The following CALN1 variants were observed in gnomAD, a reference collection of about 807,000 sequenced individuals.
The protein encoded by CALN1 is calneuron 1, also known as calcium-binding protein 8.
CALN1 carries 17 observed loss-of-function variants against 30.6 expected under a neutral mutation model. The ratio of observed to expected loss-of-function variants is 0.56; its 90% CI spans 0.38 to 0.83. The LOEUF (loss-of-function observed/expected upper bound fraction) is 0.83, where lower values mean the gene tolerates loss of function less well. Among genes scored for constraint, CALN1 ranks in the 40% least tolerant of loss-of-function variants. CALN1 has a pLI of 0.00. For missense variants in CALN1, 291 were observed against 354.9 expected, an observed-to-expected ratio of 0.82 and a Z score of 1.45; for synonymous variants, 156 against 131.4, an observed-to-expected ratio of 1.19 and a Z score of -1.28.
chr7:71,998,546 C>T (rs537372675), intron 5 of CALN1, among the ~76,000 whole-genome samples: 3 of 151,646 alleles, frequency 2.0e-5, no homozygotes, highest in South Asian at 4.2e-4. Flanking sequence ...ACAGAGCAAC[C>T]ACTACAAAAA....
At chr7:72,119,426 G>A (rs77849983) in intron 3 of CALN1, among the ~76,000 whole-genome samples, 1,654 of 151,952 alleles carry the variant, frequency 0.011, 16 homozygotes, top group Admixed American at 0.015. Context: ...ACCTCCCACC[G>A]GGTCCCTCCC....
rs369707890 is a variant in CALN1, at chr7:72,064,829, C to T, written c.389-41060G>A. On this transcript the variant is annotated intron_variant, in intron 4 of 6. Transcript: ENST00000395275. ...GGCATTTCAGATAAGGGACACTCAA[C>T]TTGCATAGCTTTTATGGATGTATTG... Among the ~76,000 whole-genome samples, 135 of 151,990 alleles carry T rather than the reference C, an allele frequency of 8.9e-4. 2 individuals carry two copies. Among genetic ancestry groups the T allele is most frequent in the Admixed American group, 3.1e-3 (48 of 15,270 alleles).
intron 3 of CALN1, among the ~76,000 whole-genome samples, chr7:72,253,529 C>T (rs896251727): frequency 6.6e-6 from 1 of 152,206 alleles, no homozygotes; most frequent in African/African-American, 2.4e-5. Context: ...GGGAAACAAG[C>T]ACATCTTACC....
At chr7:72,097,966 G>A (rs547387264) in intron 4 of CALN1, among the ~76,000 whole-genome samples, 19 of 152,232 alleles carry the variant, frequency 1.2e-4, no homozygotes, top group East Asian at 1.9e-4. Context: ...CACCCGCCTC[G>A]GCCTCACAAA....
At chr7:71,813,267 A>G (rs968937031) in intron 5 of CALN1, among the ~76,000 whole-genome samples, 1 of 151,866 alleles carries the variant, frequency 6.6e-6, no homozygotes, top group Non-Finnish European at 1.5e-5. Context: ...CTGGTTTCGA[A>G]CTCCTGGCCT....
intron 2 of CALN1, among the ~76,000 whole-genome samples, chr7:72,324,238 T>C (rs1163643601): frequency 6.6e-6 from 1 of 152,058 alleles, no homozygotes; most frequent in Non-Finnish European, 1.5e-5. Flanking sequence ...GCAGCAAAGT[T>C]TGAGAACCAC....
chr7:72,178,688 C>CAAAA (rs34462364), intron 3 of CALN1, among the ~76,000 whole-genome samples: 3 of 137,536 alleles, frequency 2.2e-5, no homozygotes, highest in African/African-American at 8.2e-5. Context: ...GACTCCATGT[C>CAAAA]AAAAAAAAAA....
chr7:71,969,367 AT>A (rs1186895243), intron 5 of CALN1, among the ~76,000 whole-genome samples: 3 of 151,984 alleles, frequency 2.0e-5, no homozygotes, highest in Non-Finnish European at 2.9e-5. Flanking sequence ...TTTTGTCCTG[AT>A]TTCTTTCTAA....
At chr7:72,310,924 A>T (rs5025436) in intron 2 of CALN1, among the ~76,000 whole-genome samples, 10 of 143,464 alleles carry the variant, frequency 7.0e-5, no homozygotes, top group African/African-American at 1.3e-4. Flanking sequence ...AAAAAAAAAA[A>T]AAAACAAAAA....
intron 2 of CALN1, among the ~76,000 whole-genome samples, chr7:72,319,229 G>A (rs1020688638): frequency 1.4e-4 from 22 of 152,104 alleles, no homozygotes; most frequent in African/African-American, 2.2e-4. Flanking sequence ...ACACATACCC[G>A]AGACTGGACA....
At chr7:72,113,820 G>C (rs207468075) in intron 3 of CALN1, among the ~76,000 whole-genome samples, 10 of 152,128 alleles carry the variant, frequency 6.6e-5, no homozygotes, top group Non-Finnish European at 1.5e-4. Context: ...TAGGCCACAG[G>C]GAGCTCCCAG....
chr7:72,385,326 G>A (rs538285047), intron 2 of CALN1, among the ~76,000 whole-genome samples: 2 of 152,062 alleles, frequency 1.3e-5, no homozygotes, highest in Non-Finnish European at 2.9e-5. Flanking sequence ...AAAACACTAT[G>A]TCCACACAAA....
intron 1 of CALN1, among the ~76,000 whole-genome samples, chr7:72,435,691 G>A (rs1383774571): frequency 6.6e-6 from 1 of 152,218 alleles, no homozygotes; most frequent in East Asian, 1.9e-4. Flanking sequence ...GTTTGACAGA[G>A]CCGCTTTTCA....
intron 2 of CALN1, among the ~76,000 whole-genome samples, chr7:72,398,449 G>T (rs76327229): frequency 6.6e-6 from 1 of 152,192 alleles, no homozygotes; most frequent in South Asian, 2.1e-4. Flanking sequence ...TTTGGAACAT[G>T]AGTTATTTTT....
At chr7:71,999,724 G>C (rs1562966574) in intron 5 of CALN1, among the ~76,000 whole-genome samples, 1 of 151,994 alleles carries the variant, frequency 6.6e-6, no homozygotes, top group Non-Finnish European at 1.5e-5. Flanking sequence ...CGTCGGCCAG[G>C]CTGGTCGCAA....
upstream of CALN1, among the ~76,000 whole-genome samples, chr7:72,413,272 A>G (rs1807294906): frequency 1.3e-5 from 2 of 148,156 alleles, no homozygotes; most frequent in African/African-American, 5.3e-5. Context: ...ATTCACACAC[A>G]CATGCACACA....
intron 3 of CALN1, among the ~76,000 whole-genome samples, chr7:72,261,108 G>C (rs1251592836): frequency 6.6e-6 from 1 of 152,134 alleles, no homozygotes. Context: ...AGGAGTTCGA[G>C]ACCAGCTGGG....
intron 2 of CALN1, among the ~76,000 whole-genome samples, chr7:72,294,731 A>T (rs1201392295): frequency 2.0e-5 from 3 of 147,980 alleles, no homozygotes; most frequent in East Asian, 2.0e-4. Context: ...TGGGACGACA[A>T]AGACTGTCTC....
chr7:72,449,932 A>C (rs1808628196), upstream of CALN1, among the ~76,000 whole-genome samples: 1 of 148,668 alleles, frequency 6.7e-6, no homozygotes, highest in Non-Finnish European at 1.5e-5. Context: ...TAGGCTGGAC[A>C]CTGTGGCTCA....
Sources: allele counts gnomAD v4.1 joint callset (sites outside exome capture counted in the v4.1 genomes callset), GRCh38; gene constraint gnomAD v4.1.1; transcripts MANE v1.5; gene names NCBI Gene and HGNC (gene_info 2026-07-23, HGNC 2026-07-21).